The following GPATCH2L variants were observed in gnomAD, a reference collection of about 807,000 sequenced individuals.
The protein encoded by GPATCH2L is G patch domain-containing protein 2-like.
In GPATCH2L, 31 loss-of-function variants were observed where a neutral mutation model predicts 57.4. The ratio of observed to expected loss-of-function variants is 0.54; its 90% CI spans 0.41 to 0.73. GPATCH2L has a LOEUF of 0.73. GPATCH2L is among the 30% of genes least tolerant of loss of function. The pLI is 0.00. For missense variants in GPATCH2L, 481 were observed against 599.9 expected (o/e 0.80, Z 2.07); for synonymous variants, 199 against 210.7 (o/e 0.94, Z 0.48).
chr14:76,205,693 T>C lies in GPATCH2L; in HGVS notation c.*3842T>C, dbSNP rs1025885095. ...GGGAAGTTCTGTTGCTGCAGAGTTA[T>C]CATTAAAGTCACTTGGAATTGAAAA... On this transcript the variant is annotated 3_prime_UTR_variant, in exon 10 of 10. Coordinates refer to ENST00000261530, the MANE Select transcript of GPATCH2L (RefSeq NM_017926.4). 1.3e-5 allele frequency: 2 copies of C among 152,268 alleles called. No homozygotes were observed. The highest frequency in any genetic ancestry group is 4.8e-5 in the African/African-American group (2 of 41,458). The allele number at this position is 152,268 out of a possible 1,614,324, so 9.4% of individuals were successfully genotyped here.
At chr14:76,218,448 T>C (rs2040498536), downstream of GPATCH2L, among the ~76,000 whole-genome samples, 2 of 151,910 alleles carry the variant, frequency 1.3e-5, no homozygotes, top group South Asian at 2.1e-4. Context: ...AAAACATAAA[T>C]GATAACATAG....
At chr14:76,188,817 A>G (rs992184907) in intron 8 of GPATCH2L, among the ~76,000 whole-genome samples, 5 of 151,956 alleles carry the variant, frequency 3.3e-5, no homozygotes, top group Non-Finnish European at 5.9e-5. Flanking sequence ...ATGTTTTCTT[A>G]TAGTAGTTTC....
At chr14:76,185,981 T>C (rs1277459431) in intron 8 of GPATCH2L, among the ~76,000 whole-genome samples, 1 of 152,192 alleles carries the variant, frequency 6.6e-6, no homozygotes, top group Non-Finnish European at 1.5e-5. Flanking sequence ...CCTCAATTTC[T>C]ACATCTTTAA....
rs1401661126 is a variant in GPATCH2L at position 76,204,777 on chromosome 14, C to T, written c.*2926C>T. 3 of 152,184 alleles carry T rather than the reference C, an allele frequency of 2.0e-5. No homozygotes were observed. The highest frequency in any genetic ancestry group is 4.4e-5 in the Non-Finnish European group (3 of 68,050). 9.4% of individuals were successfully genotyped at this position (152,184 alleles called of 1,614,324 possible). On this transcript the variant is annotated 3_prime_UTR_variant, in exon 10 of 10. Transcript: ENST00000261530. ...CAGGGTTCTGATTTTTCCCAGCTGG[C>T]TACACAAATGGCCTGTCTGAATCCT...
At position 76,201,759 on chromosome 14, in the gene GPATCH2L, T is replaced by C; in HGVS notation, c.1357T>C (p.Leu453=). The change falls in exon 10 of 10, where the codon TTG becomes CTG. Residue 453 remains leucine, a synonymous_variant. Coordinates refer to ENST00000261530, the MANE Select transcript of GPATCH2L (RefSeq NM_017926.4). The part of the protein sequence containing the change: ...QAPKSPSSEW[L]VRTSAAEKAT... The stretch of plus-strand genomic sequence containing the variant: ...CCCCAAATCACCCAGCTCTGAGTGG[T>C]TGGTGAGGACCTCTGCAGCAGAGAA... 1.9e-6 allele frequency: 3 copies of C among 1,614,048 alleles called. No homozygotes were observed. Among genetic ancestry groups the C allele is most frequent in the Non-Finnish European group, 2.5e-6 (3 of 1,179,942 alleles).
rs955715009 is a variant in GPATCH2L at position 76,210,017 on chromosome 14, C to T, written c.*8166C>T. The T allele has an allele frequency of 6.6e-6, 1 of 152,254 alleles. No individual in the cohort carries two copies. Among genetic ancestry groups the T allele is most frequent in the Non-Finnish European group, 1.5e-5 (1 of 68,076 alleles). 9.4% of individuals were successfully genotyped at this position (152,254 alleles called of 1,614,324 possible). On this transcript the variant is annotated 3_prime_UTR_variant, in exon 10 of 10. Coordinates refer to ENST00000261530, the MANE Select transcript of GPATCH2L (RefSeq NM_017926.4). ...CAGTCACTGATTGAACAAACATTTACTGAACACTGATGAAGCGAAGTCCTC... is the reference window on the plus strand; with the variant it reads ...CAGTCACTGATTGAACAAACATTTATTGAACACTGATGAAGCGAAGTCCTC...
At chr14:76,230,591 T>G (rs1031491926) in intron 2 of GPATCH2L, among the ~76,000 whole-genome samples, 7 of 152,218 alleles carry the variant, frequency 4.6e-5, no homozygotes, top group Non-Finnish European at 8.8e-5. Context: ...CAAGAATTTG[T>G]GTAAAAATAC....
chr14:76,192,174 G>C lies in GPATCH2L; in HGVS notation c.1194-3704G>C, dbSNP rs59791468. ...TAGTATTCCATTGTGTAGCAGGCTT[G>C]TTCTGGGTCCTCTTCCTTCTTTGTC... On this transcript the variant is annotated intron_variant, in intron 8 of 9. Coordinates refer to ENST00000261530, the MANE Select transcript of GPATCH2L (RefSeq NM_017926.4). 9.4e-3 allele frequency among the ~76,000 whole-genome samples: 1,290 copies of C among 136,610 alleles called. 18 individuals carry two copies. The highest frequency in any genetic ancestry group is 0.034 in the African/African-American group (1,241 of 36,212). 89.6% of individuals were successfully genotyped at this position (136,610 alleles called of 152,430 possible).
rs142392706 is a variant in GPATCH2L at position 76,163,761 on chromosome 14, A to G, written c.663-2902A>G. On this transcript the variant is annotated intron_variant, in intron 2 of 9. Coordinates refer to ENST00000261530, the MANE Select transcript of GPATCH2L (RefSeq NM_017926.4). The stretch of plus-strand genomic sequence containing the variant: ...CCATCCACATTTTACATGTAGGGAA[A>G]CAGAACTAAAGAGTTGAAGTGACAT... 4.3e-3 allele frequency among the ~76,000 whole-genome samples: 655 copies of G among 152,360 alleles called. 5 individuals carry two copies. Among genetic ancestry groups the G allele is most frequent in the African/African-American group, 0.015 (635 of 41,584 alleles).
At chr14:76,166,947 C>T (rs1406218745) in intron 3 of GPATCH2L, among the ~76,000 whole-genome samples, 1 of 151,978 alleles carries the variant, frequency 6.6e-6, no homozygotes, top group Non-Finnish European at 1.5e-5. Flanking sequence ...GCATTTTTCA[C>T]AAGCACCTGA....
intron 2 of GPATCH2L, among the ~76,000 whole-genome samples, chr14:76,234,306 A>G (rs765826083): frequency 1.3e-5 from 2 of 152,130 alleles, no homozygotes; most frequent in Non-Finnish European, 2.9e-5. Context: ...TCTGTTGCCT[A>G]AAACAGCAGG....
chr14:76,176,438 A>G, intron 5 of GPATCH2L, 185 bp from the exon 6 acceptor site: 1 of 602,938 alleles, frequency 1.7e-6, no homozygotes, highest in Non-Finnish European at 3.0e-6. Context: ...GTAGGGTAAC[A>G]TGTAATACTT....
intron 1 of GPATCH2L, among the ~76,000 whole-genome samples, chr14:76,225,570 A>G (rs1429553701): frequency 2.6e-5 from 4 of 152,182 alleles, no homozygotes; most frequent in Non-Finnish European, 5.9e-5. Flanking sequence ...ATAAAATATC[A>G]AAAGCACTAC....
In GPATCH2L at chr14:76,207,027, G is replaced by GTT. The variant is rs1566821676; in HGVS notation, c.*5176_*5177insTT. 5.9e-5 allele frequency: 9 copies of GTT among 152,288 alleles called. No individual in the cohort carries two copies. Among genetic ancestry groups the GTT allele is most frequent in the African/African-American group, 2.2e-4 (9 of 41,554 alleles). 9.4% of individuals were successfully genotyped at this position (152,288 alleles called of 1,614,324 possible). ...GGATGGAAATAACCTTTTGAAAATG[G>GTT]ATAAAGCCTGGGTGTGGTGACTCAC... is the stretch of plus-strand genomic sequence containing the variant. On this transcript the variant is annotated 3_prime_UTR_variant, in exon 10 of 10. Transcript: ENST00000261530.
At chr14:76,219,522 C>T (rs925851757) in intron 1 of GPATCH2L, among the ~76,000 whole-genome samples, 4 of 152,064 alleles carry the variant, frequency 2.6e-5, no homozygotes, top group Non-Finnish European at 5.9e-5. Flanking sequence ...CATTTTTAAA[C>T]CCAGCAATCC....
intron 8 of GPATCH2L, among the ~76,000 whole-genome samples, chr14:76,194,992 T>G (rs2040102175): frequency 6.6e-6 from 1 of 152,134 alleles, no homozygotes; most frequent in Admixed American, 6.5e-5. Flanking sequence ...TTAAGCCTTC[T>G]TGTTTCATTA....
At position 76,154,200 on chromosome 14, in the gene GPATCH2L, A is replaced by G. The variant is rs2038185801; in HGVS notation, c.-10-154A>G. ...GTAGGAACAGAATCTAAGTGTAGCC[A>G]GATGAAAGGTGACTTATTTTGTTTA... On this transcript the variant is annotated intron_variant, in intron 1 of 9. Transcript: ENST00000261530. The surrounding 1 kb of genome is among the most constrained non-coding windows in gnomAD (Gnocchi z 4.4). 1.7e-6 allele frequency: 1 copy of G among 602,642 alleles called. No individual in the cohort carries two copies. Among genetic ancestry groups the G allele is most frequent in the Non-Finnish European group, 2.9e-6 (1 of 347,914 alleles). 37.3% of individuals were successfully genotyped at this position (602,642 alleles called of 1,614,324 possible). A position where few individuals can be genotyped will look rare whatever the true frequency, so the allele number is the denominator to read the frequency against.
intron 2 of GPATCH2L, among the ~76,000 whole-genome samples, chr14:76,160,974 G>A (rs2038554642): frequency 6.6e-6 from 1 of 152,146 alleles, no homozygotes; most frequent in Non-Finnish European, 1.5e-5. Flanking sequence ...GGAGGTTGCT[G>A]CCTTTCATGG....
rs1482140336 is a variant in GPATCH2L at position 76,210,163 on chromosome 14, A to G, written c.*8312A>G. The G allele has an allele frequency of 6.6e-6, 1 of 152,200 alleles. No homozygotes were observed. Among genetic ancestry groups the G allele is most frequent in the African/African-American group, 2.4e-5 (1 of 41,438 alleles). The allele number at this position is 152,200 out of a possible 1,614,324, so 9.4% of individuals were successfully genotyped here. A position where few individuals can be genotyped will look rare whatever the true frequency, so the allele number is the denominator to read the frequency against. Reference sequence around the variant, plus strand: ...CAGAGTACCTAATAATAATAATGGCAAATATGTATTTGGTGGTCTGCCATT... The same window carrying G: ...CAGAGTACCTAATAATAATAATGGCGAATATGTATTTGGTGGTCTGCCATT... On this transcript the variant is annotated 3_prime_UTR_variant, in exon 10 of 10. Transcript: ENST00000261530.
Sources: allele counts gnomAD v4.1 joint callset (sites outside exome capture counted in the v4.1 genomes callset), GRCh38; gene constraint gnomAD v4.1.1; non-coding constraint Gnocchi (gnomAD v3.1); transcripts MANE v1.5; gene names NCBI Gene and HGNC (gene_info 2026-07-23, HGNC 2026-07-21).